Variants in IMPG2 observed in about 807,000 individuals in gnomAD.
IMPG2 encodes the protein IPM 200.
In IMPG2, 91 loss-of-function variants were observed where a neutral mutation model predicts 129.2. The observed-to-expected ratio is 0.70, with a 90% CI of 0.59 to 0.84. IMPG2 has a LOEUF of 0.84. IMPG2 is among the 40% of genes least tolerant of loss of function. The pLI is 0.00. For synonymous variants in IMPG2, 510 were observed against 517.7 expected (o/e 0.99, Z 0.20); for missense variants, 1,430 against 1,461.7 (o/e 0.98, Z 0.35).
intron 9 of IMPG2, among the ~76,000 whole-genome samples, chr3:101,264,400 T>G (rs980379619): frequency 1.3e-5 from 2 of 152,014 alleles, no homozygotes; most frequent in Non-Finnish European, 2.9e-5. Context: ...GTTCAACATA[T>G]GCAAATCAAT....
intron 13 of IMPG2, 62 bp from the exon 14 acceptor site, chr3:101,242,969 CAAACA>C (rs1706427275): frequency 6.0e-6 from 8 of 1,328,724 alleles, no homozygotes; most frequent in Admixed American, 1.7e-5. Context: ...AATACATACC[CAAACA>C]AAACAAAACA....
chr3:101,310,492 C>T (rs991811604), intron 2 of IMPG2, among the ~76,000 whole-genome samples: 27 of 147,932 alleles, frequency 1.8e-4, no homozygotes, highest in African/African-American at 6.7e-4. Flanking sequence ...CCAGGGAGAT[C>T]GAGTACGCAG....
rs777176327 is a variant in IMPG2 at position 101,273,592 on chromosome 3, ATTC to A, written c.814_816del (p.Glu272del). The A allele has an allele frequency of 3.1e-6, 5 of 1,614,088 alleles. No homozygotes were observed. The South Asian group carries it at 5.5e-5, about 18-fold the overall frequency. ...TTTTAATCACCCACCTCTGAAATAAATTCTTCTTCAAGGTGCTGGTGGTGAAAG... is the reference window on the plus strand; with the variant it reads ...TTTTAATCACCCACCTCTGAAATAAATTCTTCAAGGTGCTGGTGGTGAAAG... On this transcript the variant is annotated inframe_deletion, in exon 7 of 19. Transcript: ENST00000193391.
chr3:101,254,009 T>C (rs890497783), intron 10 of IMPG2, among the ~76,000 whole-genome samples: 2 of 152,148 alleles, frequency 1.3e-5, no homozygotes, highest in Non-Finnish European at 2.9e-5. Flanking sequence ...ATTCTTCCCA[T>C]TATCACATTT....
In IMPG2 at chr3:101,226,232, T is replaced by C. The variant is rs1706220859; in HGVS notation, c.*737A>G. On this transcript the variant is annotated 3_prime_UTR_variant, in exon 19 of 19. Coordinates refer to ENST00000193391, the MANE Select transcript of IMPG2 (RefSeq NM_016247.4). ...ATGGGAATCTTCTAAACTTTATATA[T>C]ATATATATATATATATATATATATA... 1 of 3,448 alleles carries C rather than the reference T, an allele frequency of 2.9e-4. No homozygotes were observed. The highest frequency in any genetic ancestry group is 7.5e-4 in the African/African-American group (1 of 1,332). 0.2% of individuals were successfully genotyped at this position (3,448 alleles called of 1,614,324 possible). A position where few individuals can be genotyped will look rare whatever the true frequency, so the allele number is the denominator to read the frequency against.
rs1215898494 is a variant in IMPG2 at position 101,273,710 on chromosome 3, T to A, written c.699A>T (p.Glu233Asp). The A allele has an allele frequency of 8.7e-6, 14 of 1,614,062 alleles. No individual in the cohort carries two copies. Among genetic ancestry groups the A allele is most frequent in the African/African-American group, 2.7e-5 (2 of 74,934 alleles). The change falls in exon 7 of 19, where the codon GAA (glutamate) becomes GAT (aspartate). Residue 233 changes from glutamate (E) to aspartate (D), a missense_variant. Coordinates refer to ENST00000193391, the MANE Select transcript of IMPG2 (RefSeq NM_016247.4). ...TCTGTTCACCTGCTGGTTTTGTGGC[T>A]TCTTCTATCACATTCTCAATTTCAT... ...ISNEIENVIE[E>D]ATKPAGEQIA...
At chr3:101,253,330 C>G (rs1356387461) in intron 11 of IMPG2, among the ~76,000 whole-genome samples, 2 of 152,144 alleles carry the variant, frequency 1.3e-5, no homozygotes, top group Non-Finnish European at 2.9e-5. Flanking sequence ...AATCTACGCT[C>G]TATACCTAGT....
At chr3:101,314,546 C>T (rs1387035879) in intron 2 of IMPG2, among the ~76,000 whole-genome samples, 1 of 152,086 alleles carries the variant, frequency 6.6e-6, no homozygotes, top group Non-Finnish European at 1.5e-5. Context: ...AAAATGCCAA[C>T]TCATTCTTCG....
rs2058802072 is a variant in IMPG2, at chr3:101,319,726, C to T, written c.192G>A (p.Gln64=). The change falls in exon 2 of 19, where the codon CAG becomes CAA. Residue 64 remains glutamine, a synonymous_variant. Transcript: ENST00000193391. ...TDLSLATKKK[Q]PLDRRETERQ... is the part of the protein sequence containing the mutation. ...TTTCAGTTTCTCTGCGGTCCAGAGG[C>T]TGTTTCTTTTTGGTAGCTAGAGAAA... is the stretch of plus-strand genomic sequence containing the variant. 1.2e-5 allele frequency: 19 copies of T among 1,613,590 alleles called. No individual in the cohort carries two copies. The East Asian group carries it at 2.9e-4, about 25-fold the overall frequency.
At chr3:101,257,033 A>G (rs72930593) in intron 10 of IMPG2, among the ~76,000 whole-genome samples, 3,295 of 152,126 alleles carry the variant, frequency 0.022, 115 homozygotes, top group African/African-American at 0.075. Flanking sequence ...TCTCCACAGC[A>G]ATCTGAATTT....
At chr3:101,256,840 A>G (rs1281190970) in intron 10 of IMPG2, among the ~76,000 whole-genome samples, 1 of 152,156 alleles carries the variant, frequency 6.6e-6, no homozygotes, top group African/African-American at 2.4e-5. Context: ...AATGCAAAGT[A>G]GCAAGTGAGT....
At chr3:101,318,759 A>G (rs1053499501) in intron 2 of IMPG2, among the ~76,000 whole-genome samples, 6 of 152,116 alleles carry the variant, frequency 3.9e-5, no homozygotes, top group African/African-American at 1.4e-4. Flanking sequence ...ATGGCTTTTT[A>G]TTGGTTCTTG....
At chr3:101,283,702 A>G (rs1706917200) in intron 4 of IMPG2, among the ~76,000 whole-genome samples, 1 of 152,152 alleles carries the variant, frequency 6.6e-6, no homozygotes, top group African/African-American at 2.4e-5. Context: ...TACATAGCAA[A>G]ATACAAAAGA....
At chr3:101,238,450 T>C (rs1434001439) in intron 14 of IMPG2, among the ~76,000 whole-genome samples, 1 of 151,666 alleles carries the variant, frequency 6.6e-6, no homozygotes, top group Admixed American at 6.6e-5. Flanking sequence ...AAGGAAAAAA[T>C]GTTAAGGGCA....
Position 101,242,792 on chromosome 3 carries a change from G to C in IMPG2, c.2918C>G (p.Pro973Arg). The change falls in exon 14 of 19, where the codon CCT becomes CGT. Residue 973 changes from proline (P) to arginine (R), a missense_variant. Transcript: ENST00000193391. ...CATGTACACCGCATTGTTGACGTTA[G>C]GAGGGACAGAATTGGCAAACTTCAT... ...SRMKFANSVPPNVNNAVYMIL... is the reference protein window; with the variant it reads ...SRMKFANSVPRNVNNAVYMIL... 4 of 1,614,028 alleles carry C rather than the reference G, an allele frequency of 2.5e-6. No homozygotes were observed. The highest frequency in any genetic ancestry group is 3.4e-6 in the Non-Finnish European group (4 of 1,179,928).
chr3:101,234,755 T>C (rs1706328248), intron 14 of IMPG2, among the ~76,000 whole-genome samples: 2 of 152,200 alleles, frequency 1.3e-5, no homozygotes, highest in Admixed American at 6.5e-5. Context: ...ATAGCTCTCC[T>C]TTGTTAATGG....
chr3:101,229,346 G>T, intron 17 of IMPG2, 34 bp downstream of exon 17: 2 of 1,149,920 alleles, frequency 1.7e-6, no homozygotes. Flanking sequence ...ACCAGCAGTA[G>T]CTGCGACAGC....
intron 2 of IMPG2, among the ~76,000 whole-genome samples, chr3:101,318,217 C>T (rs513188): frequency 0.72 from 107,184 of 149,328 alleles, 39,602 homozygotes; most frequent in East Asian, 0.84. Context: ...TGGTAGAAAT[C>T]GAATCTTGAT....
At chr3:101,275,780 A>G in intron 5 of IMPG2, 35 bp from the exon 6 acceptor site, 1 of 1,435,118 alleles carries the variant, frequency 7.0e-7, no homozygotes, top group South Asian at 1.1e-5. Flanking sequence ...GCATGAATTC[A>G]GTCCTCGATT....
Sources: gnomAD v4.1 joint callset for allele counts (sites outside exome capture counted in the v4.1 genomes callset) on GRCh38, gnomAD v4.1.1 for gene constraint, MANE v1.5 for transcripts, NCBI Gene and HGNC (gene_info 2026-07-23, HGNC 2026-07-21) for gene names.